The following MYO16 variants were observed in gnomAD, a reference collection of about 807,000 sequenced individuals.
MYO16 encodes unconventional myosin-XVI.
A neutral mutation model predicts 205.3 loss-of-function variants in MYO16; 94 were observed. The observed-to-expected ratio is 0.46, with a 90% CI of 0.39 to 0.54. The LOEUF (loss-of-function observed/expected upper bound fraction) is 0.54. Ranked by LOEUF, MYO16 falls within the 20% of genes least tolerant of loss-of-function variation. The probability of loss-of-function intolerance (pLI) is 0.00; values close to 1 mark genes in which losing one functional copy is unlikely to be tolerated. For missense variants in MYO16, 2,315 were observed against 2,387.5 expected (o/e 0.97, Z 0.63); for synonymous variants, 988 against 954.0 (o/e 1.04, Z -0.66).
chr13:109,142,881 G>T (rs545954729), intron 32 of MYO16, among the ~76,000 whole-genome samples: 12 of 152,066 alleles, frequency 7.9e-5, no homozygotes, highest in African/African-American at 2.9e-4. Context: ...TTTTGTTGTC[G>T]TTAAATCCCT....
At chr13:109,153,687 A>T (rs1040749448) in intron 32 of MYO16, among the ~76,000 whole-genome samples, 4 of 152,090 alleles carry the variant, frequency 2.6e-5, no homozygotes, top group African/African-American at 9.7e-5. Context: ...TGAACCCTGG[A>T]GGTGGAGGTT....
the MYO16 span, among the ~76,000 whole-genome samples, chr13:108,558,220 T>C: frequency 1.3e-5 from 2 of 152,204 alleles, no homozygotes; most frequent in Non-Finnish European, 2.9e-5. Flanking sequence ...ACGTATTCAC[T>C]GTGCCAAAGT....
intron 32 of MYO16, among the ~76,000 whole-genome samples, chr13:109,148,138 G>A (rs758166383): frequency 2.0e-5 from 3 of 151,964 alleles, no homozygotes; most frequent in Non-Finnish European, 2.9e-5. Context: ...AAATAATACT[G>A]TGTTCATCTA....
chr13:108,593,621 G>A (rs1444055218), upstream of MYO16, among the ~76,000 whole-genome samples: 1 of 152,174 alleles, frequency 6.6e-6, no homozygotes, highest in Non-Finnish European at 1.5e-5. Flanking sequence ...GTTGTTACCT[G>A]TAAAACTAGA....
chr13:109,155,089 A>G (rs1343572454), intron 32 of MYO16, among the ~76,000 whole-genome samples: 3 of 152,076 alleles, frequency 2.0e-5, no homozygotes, highest in Non-Finnish European at 4.4e-5. Context: ...GGTACTGAAA[A>G]CCTTATTTAT....
chr13:108,897,269 A>G (rs1407856445), intron 14 of MYO16, among the ~76,000 whole-genome samples: 1 of 152,190 alleles, frequency 6.6e-6, no homozygotes, highest in Non-Finnish European at 1.5e-5. Context: ...GGCAGAGTCA[A>G]TTGATGAAGA....
At chr13:109,152,868 G>A (rs754647152) in intron 32 of MYO16, among the ~76,000 whole-genome samples, 10 of 152,032 alleles carry the variant, frequency 6.6e-5, no homozygotes, top group Non-Finnish European at 1.3e-4. Flanking sequence ...AAAAGGTTTC[G>A]GAAAAATCAC....
chr13:108,838,828 T>C (rs1465790842), intron 9 of MYO16, among the ~76,000 whole-genome samples: 1 of 151,760 alleles, frequency 6.6e-6, no homozygotes, highest in African/African-American at 2.4e-5. Context: ...AGGGGTTTTA[T>C]TTCAAAGAAG....
chr13:108,603,688 C>T (rs1272132545), intron 1 of MYO16, among the ~76,000 whole-genome samples: 3 of 152,028 alleles, frequency 2.0e-5, no homozygotes, highest in Non-Finnish European at 2.9e-5. Context: ...CTATATTTAG[C>T]AGTTTGGTGG....
intron 14 of MYO16, among the ~76,000 whole-genome samples, chr13:108,895,052 C>T (rs898113223): frequency 3.9e-5 from 6 of 152,240 alleles, no homozygotes; most frequent in African/African-American, 1.2e-4. Context: ...TTTCAGAGAG[C>T]AGACTGATGG....
At position 108,661,338 on chromosome 13, in the gene MYO16, G is replaced by T. The variant is rs114902826; in HGVS notation, c.29-4548G>T. 3.8e-3 allele frequency among the ~76,000 whole-genome samples: 576 copies of T among 152,058 alleles called. 6 individuals are homozygous for T. The highest frequency in any genetic ancestry group is 0.013 in the African/African-American group (527 of 41,468). ...TTTAGATGTCTAGGTCTCTCTCAAG[G>T]CTGGGGAAATTTTCATCAATTATTC... On this transcript the variant is annotated intron_variant, in intron 1 of 34. Coordinates refer to ENST00000457511, the MANE Select transcript of MYO16 (RefSeq NM_001198950.3).
rs1372062406 is a variant in MYO16 at position 108,936,573 on chromosome 13, T to C, written c.1926-21115T>C. ...TTCTGTAGGAGTGGTTATAATGCCT[T>C]CTTTGTCCTTTTTTTACTGTTACTG... is the stretch of plus-strand genomic sequence containing the variant. On this transcript the variant is annotated intron_variant, in intron 16 of 34. Transcript: ENST00000457511. Among the ~76,000 whole-genome samples, 3 of 152,252 alleles carry C rather than the reference T, an allele frequency of 2.0e-5. No individual in the cohort carries two copies. The South Asian group carries it at 6.2e-4, about 32-fold the overall frequency.
intron 33 of MYO16, among the ~76,000 whole-genome samples, chr13:109,179,325 C>T (rs911257228): frequency 2.6e-5 from 4 of 152,194 alleles, no homozygotes; most frequent in Non-Finnish European, 5.9e-5. Flanking sequence ...CATTGTATCT[C>T]CTTTGGCAGG....
chr13:108,684,347 T>C (rs1194945322), intron 2 of MYO16, among the ~76,000 whole-genome samples: 4 of 151,972 alleles, frequency 2.6e-5, no homozygotes, highest in Admixed American at 1.3e-4. Context: ...CACTGAGAAG[T>C]GAACACAAAG....
the MYO16 span, among the ~76,000 whole-genome samples, chr13:108,525,006 A>C: frequency 6.6e-6 from 1 of 152,220 alleles, no homozygotes; most frequent in Non-Finnish European, 1.5e-5. Context: ...TTTTTAAAAA[A>C]ATCAAACTTG....
At chr13:108,787,846 GC>G (rs1886504084) in intron 5 of MYO16, among the ~76,000 whole-genome samples, 1 of 152,160 alleles carries the variant, frequency 6.6e-6, no homozygotes. Context: ...ACATCCATCT[GC>G]CCTTCCCTCA....
At chr13:108,571,891 A>C in the MYO16 span, among the ~76,000 whole-genome samples, 4 of 150,974 alleles carry the variant, frequency 2.6e-5, no homozygotes, top group South Asian at 8.4e-4. Context: ...CAACCCCCAC[A>C]TCAAGTTTCG....
At chr13:109,185,459 G>C (rs937974551) in intron 34 of MYO16, among the ~76,000 whole-genome samples, 4 of 151,946 alleles carry the variant, frequency 2.6e-5, no homozygotes, top group African/African-American at 7.2e-5. Context: ...TTCTTTGCAG[G>C]GTCAATATTC....
intron 2 of MYO16, among the ~76,000 whole-genome samples, chr13:108,667,743 C>A (rs9555491): frequency 0.067 from 10,178 of 152,184 alleles, 578 homozygotes; most frequent in East Asian, 0.31. Context: ...TTAAAAGTAA[C>A]AAAACACAAA....
Sources: allele counts gnomAD v4.1 joint callset (sites outside exome capture counted in the v4.1 genomes callset), GRCh38; gene constraint gnomAD v4.1.1; transcripts MANE v1.5; gene names NCBI Gene and HGNC (gene_info 2026-07-23, HGNC 2026-07-21).